Variants in KALRN observed in about 807,000 individuals in gnomAD.
The protein encoded by KALRN is kalirin.
Under a neutral mutation model 353.7 loss-of-function variants are expected in KALRN, and 70 were observed. The ratio of observed to expected loss-of-function variants is 0.20; its 90% CI spans 0.16 to 0.24. KALRN has a LOEUF of 0.24. Ranked by LOEUF, KALRN falls within the 10% of genes least tolerant of loss-of-function variation. The probability of loss-of-function intolerance (pLI) is 1.00; values close to 1 mark genes in which losing one functional copy is unlikely to be tolerated. For synonymous variants in KALRN, 1,391 were observed against 1,434.8 expected, an observed-to-expected ratio of 0.97 and a Z score of 0.69; for missense variants, 2,791 against 3,756.7, an observed-to-expected ratio of 0.74 and a Z score of 6.72.
intron 28 of KALRN, among the ~76,000 whole-genome samples, chr3:124,487,959 G>C (rs763810431): frequency 2.0e-5 from 3 of 152,216 alleles, no homozygotes; most frequent in Admixed American, 6.5e-5. Context: ...TACAGGTCAA[G>C]CCATTTGGGA....
chr3:124,037,188 C>T (rs948994422), intron 1 of KALRN, among the ~76,000 whole-genome samples: 9 of 152,188 alleles, frequency 5.9e-5, no homozygotes, highest in African/African-American at 1.7e-4. Flanking sequence ...AAGAAATATT[C>T]GAAGTGGTCT....
Position 124,492,782 on chromosome 3 carries a change from C to G in KALRN, c.4732C>G (p.Arg1578Gly). The G allele has an allele frequency of 6.2e-7, 1 of 1,613,928 alleles. No homozygotes were observed. Among genetic ancestry groups the G allele is most frequent in the Non-Finnish European group, 8.5e-7 (1 of 1,179,978 alleles). Reference sequence around the variant, plus strand: ...CAAGCAGGAGTGGATCAAGAACATTCGAGAAGTGATTCAAGAAAGGATCAT... The same window carrying G: ...CAAGCAGGAGTGGATCAAGAACATTGGAGAAGTGATTCAAGAAAGGATCAT... ...ETKQEWIKNI[R>G]EVIQERIIHL... Residue 1578 changes from arginine to glycine, a missense_variant, in exon 32 of 60, where the codon CGA (arginine) becomes GGA (glycine). Around this residue, in one of 11 missense-constraint regions of KALRN, gnomAD observed 239 missense variants for 351.3 expected, o/e 0.68. Transcript: ENST00000682506.
rs951693249 is a variant in KALRN, at chr3:124,373,128, C to T, written c.1771-11717C>T. ...TCCTCCCCCTGTCCTGTGAGAACCACGGATTAGAGGATTCCTTAAGGTTTC... is the reference window on the plus strand; with the variant it reads ...TCCTCCCCCTGTCCTGTGAGAACCATGGATTAGAGGATTCCTTAAGGTTTC... On this transcript the variant is annotated intron_variant, in intron 10 of 59. Transcript: ENST00000682506. Among the ~76,000 whole-genome samples the T allele has an allele frequency of 2.9e-4, 44 of 152,072 alleles. 1 individual carries two copies. Among genetic ancestry groups the T allele is most frequent in the South Asian group, 2.1e-4 (1 of 4,802 alleles).
At chr3:124,434,133 C>A (rs78420609) in intron 16 of KALRN, among the ~76,000 whole-genome samples, 174 bp from the exon 17 acceptor site, 3,980 of 152,202 alleles carry the variant, frequency 0.026, 181 homozygotes, top group African/African-American at 0.089. Flanking sequence ...GTATGATATT[C>A]TTTTTTTAAA....
intron 18 of KALRN, 61 bp downstream of exon 18, chr3:124,439,098 T>A: frequency 6.6e-7 from 1 of 1,514,426 alleles, no homozygotes; most frequent in South Asian, 1.2e-5. Flanking sequence ...TGTTCTTTCA[T>A]CCTCTTTCTC....
chr3:124,597,501 C>T (rs1479317861), intron 34 of KALRN, among the ~76,000 whole-genome samples: 1 of 152,090 alleles, frequency 6.6e-6, no homozygotes, highest in African/African-American at 2.4e-5. Flanking sequence ...GTTCTCACTG[C>T]GTGCTAAAGA....
At chr3:124,690,165 G>C (rs2061742286) in intron 51 of KALRN, among the ~76,000 whole-genome samples, 1 of 151,916 alleles carries the variant, frequency 6.6e-6, no homozygotes, top group Non-Finnish European at 1.5e-5. Context: ...CGAACAATAT[G>C]GCCCATTAGA....
At chr3:124,157,361 T>G (rs1365181067) in intron 1 of KALRN, among the ~76,000 whole-genome samples, 2 of 152,220 alleles carry the variant, frequency 1.3e-5, no homozygotes, top group African/African-American at 4.8e-5. Flanking sequence ...CACTTCCTAA[T>G]TGTAACCCAA....
At chr3:124,485,198 A>G (rs868298709) in intron 28 of KALRN, among the ~76,000 whole-genome samples, 1 of 152,244 alleles carries the variant, frequency 6.6e-6, no homozygotes, top group Admixed American at 6.5e-5. Context: ...ATCCCACCCA[A>G]AGGTTGTTCA....
chr3:124,460,085 G>A (rs2059701960), intron 23 of KALRN, among the ~76,000 whole-genome samples: 1 of 152,120 alleles, frequency 6.6e-6, no homozygotes, highest in Admixed American at 6.6e-5. Context: ...TGCTCACGTG[G>A]CATAATCCCA....
At chr3:124,279,653 G>A (rs982099997) in intron 5 of KALRN, among the ~76,000 whole-genome samples, 1 of 152,204 alleles carries the variant, frequency 6.6e-6, no homozygotes, top group African/African-American at 2.4e-5. Flanking sequence ...AAAAGGAAAT[G>A]GAAGCTGTAA....
chr3:124,429,953 G>A (rs1458428318), intron 15 of KALRN, among the ~76,000 whole-genome samples: 1 of 152,164 alleles, frequency 6.6e-6, no homozygotes, highest in Non-Finnish European at 1.5e-5. Context: ...TTGCAAGGTA[G>A]AGGAAATTAG....
intron 57 of KALRN, 119 bp from the exon 58 acceptor site, chr3:124,712,816 A>C: frequency 4.8e-6 from 3 of 629,800 alleles, no homozygotes; most frequent in Non-Finnish European, 2.8e-6. Context: ...AAAATATAGG[A>C]GAGTAGGATT....
intron 34 of KALRN, among the ~76,000 whole-genome samples, chr3:124,630,380 GTGTTTGTT>G (rs140992996): frequency 1.9e-4 from 29 of 150,082 alleles, no homozygotes; most frequent in African/African-American, 4.2e-4. Flanking sequence ...AGGCCCAGTA[GTGTTTGTT>G]TGTTTGTTTG....
Position 124,152,878 on chromosome 3 carries a change from G to C in KALRN, c.74-75112G>C, listed in dbSNP as rs549588759. ...GATCCACCCGCCTCGGCCTCTCAAA[G>C]TGCTGGGATTACAAGTGTGAGCCAC... On this transcript the variant is annotated intron_variant, in intron 1 of 59. Coordinates refer to ENST00000682506, the MANE Select transcript of KALRN (RefSeq NM_001388419.1). 1.1e-3 allele frequency: 218 copies of C among 198,270 alleles called. 1 individual carries two copies. The highest frequency in any genetic ancestry group is 5.0e-3 in the African/African-American group (212 of 42,186). 12.3% of individuals were successfully genotyped at this position (198,270 alleles called of 1,614,324 possible). A position where few individuals can be genotyped will look rare whatever the true frequency, so the allele number is the denominator to read the frequency against.
intron 34 of KALRN, among the ~76,000 whole-genome samples, chr3:124,629,535 T>A (rs2080502398): frequency 6.6e-6 from 1 of 152,242 alleles, no homozygotes; most frequent in African/African-American, 2.4e-5. Flanking sequence ...GATCTATTAC[T>A]GGCTGTTAAC....
intron 6 of KALRN, among the ~76,000 whole-genome samples, chr3:124,322,526 T>C (rs550724230): frequency 6.6e-6 from 1 of 152,226 alleles, no homozygotes; most frequent in East Asian, 1.9e-4. Flanking sequence ...AGGGGGCAGC[T>C]GGTAGGAAAT....
chr3:124,247,783 A>G (rs1305359174), intron 3 of KALRN, among the ~76,000 whole-genome samples: 1 of 152,182 alleles, frequency 6.6e-6, no homozygotes, highest in Non-Finnish European at 1.5e-5. Context: ...CAAGAAAAAC[A>G]AAACTATCTA....
Position 124,269,262 on chromosome 3 carries a change from A to AG in KALRN, c.969+10dup. 6.3e-7 allele frequency: 1 copy of AG among 1,589,598 alleles called. No individual in the cohort carries two copies. Among genetic ancestry groups the AG allele is most frequent in the Non-Finnish European group, 8.6e-7 (1 of 1,163,854 alleles). ...CGAGCAGGATGCTGAGAAGGTAGGAAGGGAACAGGCCAAACCTGAGCCGGG... is the reference window on the plus strand; with the variant it reads ...CGAGCAGGATGCTGAGAAGGTAGGAAGGGGAACAGGCCAAACCTGAGCCGGG... On this transcript the variant is annotated splice_region_variant and intron_variant, in intron 5 of 59. Transcript: ENST00000682506.
Sources: gnomAD v4.1 joint callset for allele counts (sites outside exome capture counted in the v4.1 genomes callset) on GRCh38, gnomAD v4.1.1 for gene constraint, gnomAD v4.1.1 regional missense constraint, MANE v1.5 for transcripts, NCBI Gene and HGNC (gene_info 2026-07-23, HGNC 2026-07-21) for gene names.